The following AXL variants were observed in gnomAD, a reference collection of about 807,000 sequenced individuals.
AXL encodes tyrosine-protein kinase receptor UFO.
In AXL, 52 loss-of-function variants were observed where a neutral mutation model predicts 104.5. The observed-to-expected ratio is 0.50, with a 90% CI of 0.40 to 0.63. The LOEUF is 0.63. Ranked by LOEUF, AXL falls within the 20% of genes least tolerant of loss-of-function variation. AXL has a pLI of 0.00. For missense variants in AXL, 1,024 were observed against 1,188.5 expected (o/e 0.86, Z 2.04); for synonymous variants, 455 against 473.7 (o/e 0.96, Z 0.51).
chr19:41,228,917 T>C (rs1365011673), intron 4 of AXL, among the ~76,000 whole-genome samples: 2 of 151,846 alleles, frequency 1.3e-5, no homozygotes, highest in Admixed American at 1.3e-4. Context: ...TCCAATTTTA[T>C]TGTATTTTTT....
intron 14 of AXL, among the ~76,000 whole-genome samples, chr19:41,251,880 G>A (rs764245279): frequency 5.9e-5 from 9 of 151,890 alleles, no homozygotes; most frequent in South Asian, 4.2e-4. Flanking sequence ...TTGGGAGGCC[G>A]AGGCGGGCAG....
At chr19:41,231,150 T>C (rs367872631) in intron 5 of AXL, 33 bp from the exon 6 acceptor site, 27 of 1,610,028 alleles carry the variant, frequency 1.7e-5, no homozygotes, top group Non-Finnish European at 2.3e-5. Flanking sequence ...GAGCAAAGGC[T>C]CCCCAGGGTC....
intron 6 of AXL, among the ~76,000 whole-genome samples, chr19:41,236,895 G>A (rs945062503): frequency 4.6e-5 from 7 of 151,776 alleles, no homozygotes; most frequent in African/African-American, 1.7e-4. Flanking sequence ...CTTTGAATGC[G>A]GCCCAACATA....
At chr19:41,248,921 TC>T in intron 14 of AXL, 101 bp downstream of exon 14, 1 of 1,266,152 alleles carries the variant, frequency 7.9e-7, no homozygotes, top group Non-Finnish European at 1.1e-6. Context: ...TTCTGGTGTT[TC>T]CAGATAGGCA....
rs1354928632 is a variant in AXL, at chr19:41,239,293, C to A, written c.1264C>A (p.Pro422Thr). 1.3e-6 allele frequency: 2 copies of A among 1,586,844 alleles called. No homozygotes were observed. The highest frequency in any genetic ancestry group is 1.8e-4 in the Middle Eastern group (1 of 5,696). Residue 422 changes from proline (P) to threonine (T), a missense_variant, in exon 9 of 20, where the codon CCC (proline) becomes ACC (threonine). Coordinates refer to ENST00000301178, the MANE Select transcript of AXL (RefSeq NM_021913.5). The stretch of plus-strand genomic sequence containing the variant: ...GGATGGACCCTGGAGCCTCCCAGTA[C>A]CCCTGGAGGCCTGGCGCCCAGGTAA... ...AGDGPWSLPV[P>T]LEAWRPGQAQ...
At chr19:41,248,716 T>G in intron 13 of AXL, 27 bp from the exon 14 acceptor site, 1 of 1,613,730 alleles carries the variant, frequency 6.2e-7, no homozygotes, top group Non-Finnish European at 8.5e-7. Context: ...CCCTCTGAGG[T>G]CAGTGTCTCC....
At chr19:41,224,788 C>CTGTGTGTG (rs56885806) in intron 4 of AXL, among the ~76,000 whole-genome samples, 3 of 149,924 alleles carry the variant, frequency 2.0e-5, no homozygotes, top group African/African-American at 4.9e-5. Context: ...AGTCACAGAC[C>CTGTGTGTG]TGTGTGTGTG....
rs1450969765 is a variant in AXL at position 41,242,880 on chromosome 19, T to C, written c.1313-3T>C. The C allele has an allele frequency of 1.2e-6, 2 of 1,614,152 alleles. No individual in the cohort carries two copies. Among genetic ancestry groups the C allele is most frequent in the South Asian group, 1.1e-5 (1 of 91,084 alleles). On this transcript the variant is annotated splice_region_variant and splice_polypyrimidine_tract_variant and intron_variant, in intron 10 of 19. Coordinates refer to ENST00000301178, the MANE Select transcript of AXL (RefSeq NM_021913.5). ...ATGACCTGTTCCTCATACCCCCTGA[T>C]AGTGAAGGAACCTTCAACTCCTGCC...
At position 41,219,468 on chromosome 19, in the gene AXL, GC is replaced by G; in HGVS notation, c.81del (p.Arg28GlyfsTer70). 3 of 1,604,192 alleles carry G rather than the reference GC, an allele frequency of 1.9e-6. No homozygotes were observed. Among genetic ancestry groups the G allele is most frequent in the South Asian group, 1.1e-5 (1 of 89,282 alleles). On this transcript the variant is annotated frameshift_variant, in exon 1 of 20. Coordinates refer to ENST00000301178, the MANE Select transcript of AXL (RefSeq NM_021913.5). LOFTEE classifies it high-confidence loss of function. The part of the protein sequence containing the change: ...CLALCGWACM[A>X]PRGTQAEESP... ...GGCGCTGTGCGGCTGGGCGTGCATG[GC>G]CCCCAGGGGTGAGTGATGGGGGCTC...
At chr19:41,237,350 C>T (rs2034097728) in intron 6 of AXL, among the ~76,000 whole-genome samples, 1 of 152,144 alleles carries the variant, frequency 6.6e-6, no homozygotes, top group Non-Finnish European at 1.5e-5. Flanking sequence ...TCAAGTGGTT[C>T]TCCTATCGCA....
rs200002144 is a variant in AXL at position 41,221,992 on chromosome 19, C to A, written c.522C>A (p.Leu174=). The change falls in exon 4 of 20, where the codon CTC becomes CTA. Residue 174 remains leucine (L), a synonymous_variant. Coordinates refer to ENST00000301178, the MANE Select transcript of AXL (RefSeq NM_021913.5). ...CAGAGCCCGTGGACCTACTCTGGCT[C>A]CAGGATGCTGTCCCCCTGGCCACGG... The part of the protein sequence containing the change: ...GPPEPVDLLW[L]QDAVPLATAP... 108 of 1,609,940 alleles carry A rather than the reference C, an allele frequency of 6.7e-5. No homozygotes were observed. The East Asian group carries it at 1.7e-3, about 25-fold the overall frequency.
rs1279044687 is a variant in AXL at position 41,242,870 on chromosome 19, T to C, written c.1313-13T>C. 6 of 1,614,080 alleles carry C rather than the reference T, an allele frequency of 3.7e-6. No homozygotes were observed. The highest frequency in any genetic ancestry group is 5.1e-6 in the Non-Finnish European group (6 of 1,179,970). On this transcript the variant is annotated splice_polypyrimidine_tract_variant and intron_variant, in intron 10 of 19. Coordinates refer to ENST00000301178, the MANE Select transcript of AXL (RefSeq NM_021913.5). Reference sequence around the variant, plus strand: ...GGCTTCATCCATGACCTGTTCCTCATACCCCCTGATAGTGAAGGAACCTTC... The same window carrying C: ...GGCTTCATCCATGACCTGTTCCTCACACCCCCTGATAGTGAAGGAACCTTC...
chr19:41,260,298 CTTTTTTTTTTTTTTT>C lies in AXL; in HGVS notation c.*411_*425del, dbSNP rs869213717. The stretch of plus-strand genomic sequence containing the variant: ...TAAAGTGCTAAGGTTCTAAGGCCTA[CTTTTTTTTTTTTTTT>C]TTTTTTTTTTTTTTTTGCGATAGAG... On this transcript the variant is annotated 3_prime_UTR_variant, in exon 20 of 20. Transcript: ENST00000301178. The C allele has an allele frequency of 4.7e-3, 231 of 48,646 alleles. 6 individuals are homozygous for C. Among genetic ancestry groups the C allele is most frequent in the African/African-American group, 0.018 (216 of 11,768 alleles). 3.0% of individuals were successfully genotyped at this position (48,646 alleles called of 1,614,324 possible). A position where few individuals can be genotyped will look rare whatever the true frequency, so the allele number is the denominator to read the frequency against.
intron 10 of AXL, among the ~76,000 whole-genome samples, chr19:41,241,828 T>TG (rs1448544141): frequency 6.6e-6 from 1 of 151,924 alleles, no homozygotes; most frequent in Non-Finnish European, 1.5e-5. Context: ...GGTGAAAGAG[T>TG]GAGACCCTGT....
rs1043097033 is a variant in AXL at position 41,260,413 on chromosome 19, G to C, written c.*509G>C. On this transcript the variant is annotated 3_prime_UTR_variant, in exon 20 of 20. Transcript: ENST00000301178. ...TGCAACCTTCACCTACCGAGTTCAA[G>C]TGATTTTCCTGCCTTGGCCTCCCAA... is the stretch of plus-strand genomic sequence containing the variant. 2 of 148,288 alleles carry C rather than the reference G, an allele frequency of 1.3e-5. No homozygotes were observed. Among genetic ancestry groups the C allele is most frequent in the African/African-American group, 2.6e-5 (1 of 38,582 alleles). The allele number at this position is 148,288 out of a possible 1,614,324, so 9.2% of individuals were successfully genotyped here.
chr19:41,226,242 G>A (rs1329206569), intron 4 of AXL, among the ~76,000 whole-genome samples: 1 of 152,054 alleles, frequency 6.6e-6, no homozygotes, highest in East Asian at 1.9e-4. Flanking sequence ...CCCGGCTCCA[G>A]AACCCACCTC....
At position 41,220,792 on chromosome 19, in the gene AXL, G is replaced by A. The variant is rs2122195813; in HGVS notation, c.242G>A (p.Ser81Asn). The change falls in exon 2 of 20, where the codon AGC becomes AAC. Residue 81 changes from serine to asparagine, a missense_variant. Physicochemically the swap from Ser to Asn is conservative, Grantham distance 46. Coordinates refer to ENST00000301178, the MANE Select transcript of AXL (RefSeq NM_021913.5). Reference protein sequence around the residue: ...RDGQILELADSTQTQVPLGED... With the variant: ...RDGQILELADNTQTQVPLGED... ...GGACAGATCCTGGAGCTCGCGGACA[G>A]CACCCAGACCCAGGTGCCCCTGGGT... 1 of 1,614,154 alleles carries A rather than the reference G, an allele frequency of 6.2e-7. No homozygotes were observed. The highest frequency in any genetic ancestry group is 8.5e-7 in the Non-Finnish European group (1 of 1,180,024).
intron 14 of AXL, among the ~76,000 whole-genome samples, chr19:41,251,779 G>C (rs1332011094): frequency 6.6e-6 from 1 of 151,872 alleles, no homozygotes; most frequent in Non-Finnish European, 1.5e-5. Flanking sequence ...AATAAAATGG[G>C]AATGATAATA....
rs1160962908 is a variant in AXL at position 41,248,563 on chromosome 19, G to A, written c.1587G>A (p.Val529=). The change falls in exon 13 of 20, where the codon GTG becomes GTA. Residue 529 remains valine (V), a synonymous_variant. Transcript: ENST00000301178. Reference sequence around the variant, plus strand: ...AGCTGAAGGAGAAGCTGCGGGATGTGATGGTGGACCGGCACAAGGTGGCCC... The same window carrying A: ...AGCTGAAGGAGAAGCTGCGGGATGTAATGGTGGACCGGCACAAGGTGGCCC... The part of the protein sequence containing the change: ...SEELKEKLRD[V]MVDRHKVALG... 1 of 1,614,212 alleles carries A rather than the reference G, an allele frequency of 6.2e-7. No homozygotes were observed. Among genetic ancestry groups the A allele is most frequent in the Admixed American group, 1.7e-5 (1 of 60,022 alleles).
Sources: allele counts gnomAD v4.1 joint callset (sites outside exome capture counted in the v4.1 genomes callset), GRCh38; gene constraint gnomAD v4.1.1; transcripts MANE v1.5; gene names NCBI Gene and HGNC (gene_info 2026-07-23, HGNC 2026-07-21).